TCHH: variants seen among roughly 807,000 people sequenced by gnomAD.
TCHH encodes the protein trichohyalin.
TCHH carries 6 observed loss-of-function variants against 6.3 expected under a neutral mutation model. That is an observed-to-expected ratio of 0.95 (90% confidence interval 0.52 to 1.88). The LOEUF is 1.88. Among genes scored for constraint, TCHH ranks in the 40% most tolerant of loss-of-function variants. The pLI, the probability that TCHH is intolerant of heterozygous loss-of-function variation, is 0.01. For synonymous variants in TCHH, 1,087 were observed against 963.6 expected (o/e 1.13, Z -2.37); for missense variants, 2,920 against 2,449.1 (o/e 1.19, Z -4.06).
Position 152,111,757 on chromosome 1 carries a change from C to CT in TCHH, c.1459_1460insA (p.Arg487GlnfsTer191), listed in dbSNP as rs1297803650. On this transcript the variant is annotated frameshift_variant, in exon 3 of 3. Transcript: ENST00000614923. LOFTEE classifies it low-confidence loss of function (END_TRUNC). ...CTCCTCCTCCTCGAGCTTCAGCCAACGTTCGCGCCTCTCCTCCTCCTGGTC... is the reference window on the plus strand; with the variant it reads ...CTCCTCCTCCTCGAGCTTCAGCCAACTGTTCGCGCCTCTCCTCCTCCTGGTC... 1 of 1,354,180 alleles carries CT rather than the reference C, an allele frequency of 7.4e-7. No individual in the cohort carries two copies. Among genetic ancestry groups the CT allele is most frequent in the South Asian group, 1.2e-5 (1 of 81,070 alleles). 83.9% of individuals were successfully genotyped at this position (1,354,180 alleles called of 1,614,324 possible). A position where few individuals can be genotyped will look rare whatever the true frequency, so the allele number is the denominator to read the frequency against.
rs780969563 is a variant in TCHH, at chr1:152,108,722, G to A, written c.4495C>T (p.Arg1499Cys). The A allele has an allele frequency of 3.7e-6, 6 of 1,611,852 alleles. No homozygotes were observed. In the East Asian group the frequency reaches 9.0e-5, roughly 24 times the overall value. Residue 1499 changes from arginine (R) to cysteine (C), a missense_variant, in exon 3 of 3, where the codon CGT becomes TGT. Physicochemically the swap from Arg to Cys is radical, Grantham distance 180. Coordinates refer to ENST00000614923, the MANE Select transcript of TCHH (RefSeq NM_007113.4). ...TCCTGTTCGCGGAATTTTCTGTCAC[G>A]CTCTTGGCGGCGCAGCTGTTGTTCC... is the stretch of plus-strand genomic sequence containing the variant. ...EEEQQLRRQE[R>C]DRKFREQELR...
Position 152,114,061 on chromosome 1 carries a change from C to T in TCHH, c.20G>A (p.Ser7Asn). ...GAAAATTTCAGTGATGTCACAGATG[C>T]TTCTCAGAAGTGGAGACATTTTTTT... Reference protein sequence around the residue: MSPLLRSICDITEIFNQ... With the variant: MSPLLRNICDITEIFNQ... The change falls in exon 2 of 3, where the codon AGC becomes AAC. Residue 7 changes from serine (S) to asparagine (N), a missense_variant. Ser to Asn is a conservative substitution (Grantham distance 46). Transcript: ENST00000614923. 6.2e-7 allele frequency: 1 copy of T among 1,612,044 alleles called. No homozygotes were observed. Among genetic ancestry groups the T allele is most frequent in the Non-Finnish European group, 8.5e-7 (1 of 1,179,442 alleles).
At position 152,109,227 on chromosome 1, in the gene TCHH, G is replaced by A. The variant is rs752133381; in HGVS notation, c.3990C>T (p.Arg1330=). ...GGAATTTTCTGTCTGTCTCTTGACGGCGTCTCTTCTCTTCTCTTTCCTCTC... is the reference window on the plus strand; with the variant it reads ...GGAATTTTCTGTCTGTCTCTTGACGACGTCTCTTCTCTTCTCTTTCCTCTC... ...LLREEREEKR[R]RQETDRKFRE... is the part of the protein sequence containing the mutation. The change falls in exon 3 of 3, where the codon CGC becomes CGT. Residue 1330 remains arginine, a synonymous_variant. Transcript: ENST00000614923. The A allele has an allele frequency of 6.2e-7, 1 of 1,614,230 alleles. No homozygotes were observed. The highest frequency in any genetic ancestry group is 8.5e-7 in the Non-Finnish European group (1 of 1,180,042).
Position 152,111,315 on chromosome 1 carries a change from C to A in TCHH, c.1902G>T (p.Leu634=). 1.9e-6 allele frequency: 3 copies of A among 1,600,334 alleles called. No individual in the cohort carries two copies. Among genetic ancestry groups the A allele is most frequent in the Non-Finnish European group, 2.6e-6 (3 of 1,172,020 alleles). ...EPEEERRQQL[L]KSEEQEERRQ... is the part of the protein sequence containing the mutation. ...GCCTCTCCTCCTGCTCCTCGCTCTT[C>A]AGCAGCTGCTGGCGCCTCTCTTCCT... The change falls in exon 3 of 3, where the codon CTG becomes CTT. Residue 634 remains leucine (L), a synonymous_variant. Transcript: ENST00000614923.
intron 2 of TCHH, 107 bp from the exon 3 acceptor site, chr1:152,113,185 C>A: frequency 8.9e-7 from 1 of 1,129,930 alleles, no homozygotes; most frequent in South Asian, 1.8e-5. Flanking sequence ...AAGAGACATT[C>A]AGAGCAATTA....
rs1658237991 is a variant in TCHH at position 152,109,363 on chromosome 1, C to T, written c.3854G>A (p.Arg1285His). ...GAAATGCCTGTCGCGCTGCTGCCAGCGCCTCCTCTCTTGCTCACGATCTCG... is the reference window on the plus strand; with the variant it reads ...GAAATGCCTGTCGCGCTGCTGCCAGTGCCTCCTCTCTTGCTCACGATCTCG... The part of the protein sequence containing the change: ...QERDREQERR[R>H]WQQRDRHFPE... The change falls in exon 3 of 3, where the codon CGC becomes CAC. Residue 1285 changes from arginine (R) to histidine (H), a missense_variant. Transcript: ENST00000614923. The T allele has an allele frequency of 6.2e-7, 1 of 1,614,108 alleles. No individual in the cohort carries two copies. The highest frequency in any genetic ancestry group is 1.7e-5 in the Admixed American group (1 of 60,012).
Position 152,110,739 on chromosome 1 carries a change from C to T in TCHH, c.2478G>A (p.Glu826=), listed in dbSNP as rs1194574576. ...CCAGGAACTGCAGCTCTTTCTCCCT[C>T]TCGCGTCGCTGGCGGCGCCGCTGCT... ...EKEQRRRQRR[E]REKELQFLEE... is the part of the protein sequence containing the mutation. The change falls in exon 3 of 3, where the codon GAG becomes GAA. Residue 826 remains glutamate, a synonymous_variant. Coordinates refer to ENST00000614923, the MANE Select transcript of TCHH (RefSeq NM_007113.4). 1 of 1,609,812 alleles carries T rather than the reference C, an allele frequency of 6.2e-7. No homozygotes were observed. The highest frequency in any genetic ancestry group is 8.5e-7 in the Non-Finnish European group (1 of 1,179,952).
Position 152,107,401 on chromosome 1 carries a change from G to C in TCHH, c.5816C>G (p.Ser1939Cys). 1 of 1,572,952 alleles carries C rather than the reference G, an allele frequency of 6.4e-7. No homozygotes were observed. Among genetic ancestry groups the C allele is most frequent in the African/African-American group, 1.4e-5 (1 of 73,268 alleles). ...PLYEYIQEQR[S>C]QYRP Reference sequence around the variant, plus strand: ...CAACATCACTTAAGGGCGGTATTGAGATCTCTGCTCTTGGATGTACTCATA... The same window carrying C: ...CAACATCACTTAAGGGCGGTATTGACATCTCTGCTCTTGGATGTACTCATA... The change falls in exon 3 of 3, where the codon TCT (serine) becomes TGT (cysteine). Residue 1939 changes from serine to cysteine, a missense_variant. Transcript: ENST00000614923.
rs756129188 is a variant in TCHH at position 152,107,767 on chromosome 1, C to T, written c.5450G>A (p.Arg1817His). 3 of 1,614,228 alleles carry T rather than the reference C, an allele frequency of 1.9e-6. No individual in the cohort carries two copies. The highest frequency in any genetic ancestry group is 2.2e-5 in the South Asian group (2 of 91,088). ...TTCTTCCCAGCGATACTTTCCGTCA[C>T]GCTGTTGGGGGCGCAGCTGCTGTTC... ...REEQQLRPQQRDGKYRWEEEQ... is the reference protein window; with the variant it reads ...REEQQLRPQQHDGKYRWEEEQ... Residue 1817 changes from arginine (R) to histidine (H), a missense_variant, in exon 3 of 3, where the codon CGT becomes CAT. Coordinates refer to ENST00000614923, the MANE Select transcript of TCHH (RefSeq NM_007113.4).
Position 152,112,742 on chromosome 1 carries a change from CTT to C in TCHH, c.473_474del (p.Gln158ArgfsTer4), listed in dbSNP as rs760257287. 5.6e-6 allele frequency: 9 copies of C among 1,614,080 alleles called. 1 individual carries two copies. In the South Asian group the frequency reaches 8.8e-5, roughly 16 times the overall value. Reference sequence around the variant, plus strand: ...TGCCTGTCGCGCTGTTCAAGTCGCTCTTGTTTCTCACTTTGCTCCTCTCCCTC... The same window carrying C: ...TGCCTGTCGCGCTGTTCAAGTCGCTCGTTTCTCACTTTGCTCCTCTCCCTC... The part of the protein sequence containing the change: ...LAEGEEQSEK[Q>X]ERLEQRDRQR... On this transcript the variant is annotated frameshift_variant, in exon 3 of 3. Coordinates refer to ENST00000614923, the MANE Select transcript of TCHH (RefSeq NM_007113.4). LOFTEE classifies it low-confidence loss of function (END_TRUNC).
Position 152,110,824 on chromosome 1 carries a change from A to C in TCHH, c.2393T>G (p.Leu798Arg), listed in dbSNP as rs758182708. 39 of 1,607,856 alleles carry C rather than the reference A, an allele frequency of 2.4e-5. No individual in the cohort carries two copies. The Admixed American group carries it at 3.3e-4, about 14-fold the overall frequency. Reference protein sequence around the residue: ...PPLREQRERQLRAEERQQREQ... With the variant: ...PPLREQRERQRRAEERQQREQ... ...CCGCTGCTGGCGCTCCTCGGCCCTC[A>C]GCTGCCTCTCCCGCTGCTCCCGCAA... The change falls in exon 3 of 3, where the codon CTG becomes CGG. Residue 798 changes from leucine (L) to arginine (R), a missense_variant. By Grantham distance (102) the Leu-to-Arg change is moderately radical. Coordinates refer to ENST00000614923, the MANE Select transcript of TCHH (RefSeq NM_007113.4).
chr1:152,109,785 C>T lies in TCHH; in HGVS notation c.3432G>A (p.Glu1144=). The change falls in exon 3 of 3, where the codon GAG becomes GAA. Residue 1144 remains glutamate (E), a synonymous_variant. Transcript: ENST00000614923. Reference sequence around the variant, plus strand: ...GCTGCTCTTCCTCCTGCTGCACCTCCTCTTCCTCCCGATATTGCCTCTCCA... The same window carrying T: ...GCTGCTCTTCCTCCTGCTGCACCTCTTCTTCCTCCCGATATTGCCTCTCCA... The part of the protein sequence containing the change: ...QELERQYREE[E]EVQQEEEQLL... The T allele has an allele frequency of 3.2e-6, 5 of 1,583,746 alleles. No individual in the cohort carries two copies. Among genetic ancestry groups the T allele is most frequent in the Non-Finnish European group, 2.6e-6 (3 of 1,162,448 alleles).
intron 1 of TCHH, among the ~76,000 whole-genome samples, chr1:152,115,184 C>G (rs1423972599): frequency 6.6e-6 from 1 of 152,202 alleles, no homozygotes; most frequent in African/African-American, 2.4e-5. Context: ...GTATAGAGTT[C>G]AGAGCCCAAG....
rs1243174394 is a variant in TCHH, at chr1:152,111,119, G to A, written c.2098C>T (p.Arg700Cys). The change falls in exon 3 of 3, where the codon CGC becomes TGC. Residue 700 changes from arginine (R) to cysteine (C), a missense_variant. Coordinates refer to ENST00000614923, the MANE Select transcript of TCHH (RefSeq NM_007113.4). ...AGCTGCCACTGCCACTTCGGGATGC[G>A]GCTCTTAATCCGCTCCCGGGCCTGT... ...QEQARERIKSRIPKWQWQLES... is the reference protein window; with the variant it reads ...QEQARERIKSCIPKWQWQLES... The A allele has an allele frequency of 6.2e-7, 1 of 1,613,654 alleles. No homozygotes were observed. Among genetic ancestry groups the A allele is most frequent in the Non-Finnish European group, 8.5e-7 (1 of 1,180,026 alleles).
In TCHH at chr1:152,109,631, C is replaced by T. The variant is rs533582465; in HGVS notation, c.3586G>A (p.Glu1196Lys). 6.2e-7 allele frequency: 1 copy of T among 1,614,154 alleles called. No homozygotes were observed. Among genetic ancestry groups the T allele is most frequent in the East Asian group, 2.2e-5 (1 of 44,882 alleles). ...EEQEKRRQERERQYREEEELQ... is the reference protein window; with the variant it reads ...EEQEKRRQERKRQYREEEELQ... Reference sequence around the variant, plus strand: ...TCTTCCTCCTCCCGATACTGCCTCTCCCGCTCCTGGCGCCTTTTCTCCTGT... The same window carrying T: ...TCTTCCTCCTCCCGATACTGCCTCTTCCGCTCCTGGCGCCTTTTCTCCTGT... The change falls in exon 3 of 3, where the codon GAG becomes AAG. Residue 1196 changes from glutamate (E) to lysine (K), a missense_variant. Transcript: ENST00000614923.
Position 152,113,999 on chromosome 1 carries a change from A to G in TCHH, c.82T>C (p.Leu28=). Residue 28 remains leucine, a synonymous_variant, in exon 2 of 3, where the codon TTA becomes CTA. Coordinates refer to ENST00000614923, the MANE Select transcript of TCHH (RefSeq NM_007113.4). ...AGGTTCTTCAGGTCTTTCTTAGTTA[A>G]TGCTGCTCCATCACAATCATGAGAG... ...YVSHDCDGAA[L]TKKDLKNLLE... is the part of the protein sequence containing the mutation. The G allele has an allele frequency of 6.2e-7, 1 of 1,614,004 alleles. No homozygotes were observed. Among genetic ancestry groups the G allele is most frequent in the Non-Finnish European group, 8.5e-7 (1 of 1,179,960 alleles).
chr1:152,109,641 G>T lies in TCHH; in HGVS notation c.3576C>A (p.Arg1192=). ...CCCGATACTGCCTCTCCCGCTCCTG[G>T]CGCCTTTTCTCCTGTTCCTCTCTCA... ...QLLREEQEKR[R]QERERQYREE... is the part of the protein sequence containing the mutation. Residue 1192 remains arginine (R), a synonymous_variant, in exon 3 of 3, where the codon CGC becomes CGA. Transcript: ENST00000614923. 1 of 1,610,578 alleles carries T rather than the reference G, an allele frequency of 6.2e-7. No homozygotes were observed. The highest frequency in any genetic ancestry group is 8.5e-7 in the Non-Finnish European group (1 of 1,178,112).
At chr1:152,113,917 G>A in intron 2 of TCHH, 26 bp downstream of exon 2, 1 of 1,603,416 alleles carries the variant, frequency 6.2e-7, no homozygotes, top group South Asian at 1.1e-5. Flanking sequence ...CAAGTCAATA[G>A]ATCTCATTTT....
chr1:152,108,664 A>G lies in TCHH; in HGVS notation c.4553T>C (p.Leu1518Pro). ...LRSQEPERKF[L>P]EEEQQLHRQQ... ...GCGGTGCAGCTGCTGTTCCTCCTCG[A>G]GGAATTTTCTCTCTGGTTCCTGACT... Residue 1518 changes from leucine (L) to proline (P), a missense_variant, in exon 3 of 3, where the codon CTC becomes CCC. By Grantham distance (98) the Leu-to-Pro change is moderately conservative. Transcript: ENST00000614923. The G allele has an allele frequency of 1.3e-6, 2 of 1,599,970 alleles. No individual in the cohort carries two copies. Among genetic ancestry groups the G allele is most frequent in the South Asian group, 1.1e-5 (1 of 90,606 alleles).
Sources: gnomAD v4.1 joint callset for allele counts (sites outside exome capture counted in the v4.1 genomes callset) on GRCh38, gnomAD v4.1.1 for gene constraint, MANE v1.5 for transcripts, NCBI Gene and HGNC (gene_info 2026-07-23, HGNC 2026-07-21) for gene names.